The following CDIN1 variants were observed in gnomAD, a reference collection of about 807,000 sequenced individuals.
The protein encoded by CDIN1 is CDAN1-interacting nuclease 1.
Under a neutral mutation model 45.3 loss-of-function variants are expected in CDIN1, and 33 were observed. That is an observed-to-expected ratio of 0.73 (90% CI 0.55 to 0.97). The LOEUF (loss-of-function observed/expected upper bound fraction) is 0.97, where lower values mean the gene tolerates loss of function less well. CDIN1 is among the 50% of genes least tolerant of loss of function. The pLI is 0.00. For synonymous variants in CDIN1, 118 were observed against 124.4 expected (o/e 0.95, Z 0.34); for missense variants, 303 against 339.4 (o/e 0.89, Z 0.84).
At chr15:36,698,779 C>T (rs1437260193) in intron 8 of CDIN1, among the ~76,000 whole-genome samples, 1 of 152,198 alleles carries the variant, frequency 6.6e-6, no homozygotes, top group Admixed American at 6.5e-5. Context: ...TGTGGACAGT[C>T]AGGCCTTCAG....
rs2055349841 is a variant in CDIN1, at chr15:36,810,126, A to T, written c.*1673A>T. On this transcript the variant is annotated 3_prime_UTR_variant, in exon 11 of 11. Transcript: ENST00000566621. ...TAAACTGTTTTTTCTTTAGGAATAA[A>T]TTACATTTATCTGCACAGATGTTGA... is the stretch of plus-strand genomic sequence containing the variant. The T allele has an allele frequency of 6.6e-6, 1 of 152,198 alleles. No homozygotes were observed. The highest frequency in any genetic ancestry group is 2.4e-5 in the African/African-American group (1 of 41,446). 9.4% of individuals were successfully genotyped at this position (152,198 alleles called of 1,614,324 possible).
intron 10 of CDIN1, among the ~76,000 whole-genome samples, chr15:36,733,627 A>G (rs1468510516): frequency 6.6e-6 from 1 of 152,094 alleles, no homozygotes; most frequent in Non-Finnish European, 1.5e-5. Context: ...TATTTTTTAA[A>G]TCTGTGATTA....
rs1337941719 is a variant in CDIN1 at position 36,733,583 on chromosome 15, A to G, written c.716+23622A>G. On this transcript the variant is annotated intron_variant, in intron 10 of 10. Coordinates refer to ENST00000566621, the MANE Select transcript of CDIN1 (RefSeq NM_001321759.2). ...GAACCATTTCAGCTTAACCTTCCAG[A>G]GATTAATCATTTAGTTTGAAGGAGT... 7.2e-5 allele frequency among the ~76,000 whole-genome samples: 11 copies of G among 152,166 alleles called. No individual in the cohort carries two copies. In the South Asian group the frequency reaches 2.3e-3, roughly 31 times the overall value.
At chr15:36,778,549 T>G (rs1258398881) in intron 10 of CDIN1, among the ~76,000 whole-genome samples, 2 of 152,226 alleles carry the variant, frequency 1.3e-5, no homozygotes, top group Admixed American at 6.5e-5. Flanking sequence ...TTTGAAATGT[T>G]TCTTAGAATT....
In CDIN1 at chr15:36,596,296, C is replaced by T. The variant is rs534764063; in HGVS notation, c.101+16335C>T. On this transcript the variant is annotated intron_variant, in intron 1 of 10. Coordinates refer to ENST00000566621, the MANE Select transcript of CDIN1 (RefSeq NM_001321759.2). ...CGACCTGCTGGCAAAGGAATATAAA[C>T]CTACTGCTCTGAAAGGAAATATTAG... 1.3e-5 allele frequency among the ~76,000 whole-genome samples: 2 copies of T among 151,852 alleles called. 1 individual carries two copies. Among genetic ancestry groups the T allele is most frequent in the South Asian group, 4.1e-4 (2 of 4,820 alleles).
At chr15:36,610,206 A>G (rs1160194473) in intron 1 of CDIN1, among the ~76,000 whole-genome samples, 1 of 152,254 alleles carries the variant, frequency 6.6e-6, no homozygotes, top group African/African-American at 2.4e-5. Flanking sequence ...ATCAAAGCAC[A>G]GGGATAATTG....
chr15:36,597,104 C>T (rs2037871802), intron 1 of CDIN1, among the ~76,000 whole-genome samples: 1 of 152,072 alleles, frequency 6.6e-6, no homozygotes, highest in Admixed American at 6.5e-5. Context: ...TATTACATCA[C>T]TAAATAAAAT....
intron 10 of CDIN1, among the ~76,000 whole-genome samples, chr15:36,780,363 C>A (rs569470231): frequency 6.6e-6 from 1 of 152,250 alleles, no homozygotes; most frequent in Middle Eastern, 3.4e-3. Context: ...CATGTGTAAA[C>A]CAAAACTATC....
chr15:36,760,794 A>G (rs1033478235), intron 10 of CDIN1, among the ~76,000 whole-genome samples: 3 of 152,204 alleles, frequency 2.0e-5, no homozygotes, highest in African/African-American at 7.2e-5. Context: ...TTTCTTTAGG[A>G]TAATATCCAG....
chr15:36,768,847 G>A lies in CDIN1; in HGVS notation c.717-39477G>A, dbSNP rs148492964. ...GTAGCTGAAGGAGCCAAGGAGAAAG[G>A]CCTCAGAGTCTGAAAGAAAGGAGTT... On this transcript the variant is annotated intron_variant, in intron 10 of 10. Coordinates refer to ENST00000566621, the MANE Select transcript of CDIN1 (RefSeq NM_001321759.2). Among the ~76,000 whole-genome samples, 388 of 152,202 alleles carry A rather than the reference G, an allele frequency of 2.5e-3. 1 individual carries two copies. The highest frequency in any genetic ancestry group is 8.4e-3 in the African/African-American group (350 of 41,528).
At chr15:36,705,469 T>C (rs2042827874) in intron 8 of CDIN1, 1 of 152,212 alleles carries the variant, frequency 6.6e-6, no homozygotes. Flanking sequence ...AACTGCAACT[T>C]GGTTGACATG....
intron 10 of CDIN1, among the ~76,000 whole-genome samples, chr15:36,762,700 T>C (rs1431905234): frequency 1.3e-5 from 2 of 151,326 alleles, no homozygotes; most frequent in Non-Finnish European, 2.9e-5. Context: ...GGTCCAAGTG[T>C]TTTCATTGTT....
intron 8 of CDIN1, among the ~76,000 whole-genome samples, chr15:36,698,402 A>T (rs1566910409): frequency 1.3e-5 from 2 of 152,228 alleles, no homozygotes; most frequent in Admixed American, 1.3e-4. Context: ...TAATTAAGCA[A>T]GTGTTCTCAA....
intron 10 of CDIN1, among the ~76,000 whole-genome samples, chr15:36,742,517 A>T (rs1040494799): frequency 1.3e-5 from 2 of 152,250 alleles, no homozygotes; most frequent in Non-Finnish European, 2.9e-5. Flanking sequence ...AACATTGATT[A>T]TGTAAAATAA....
At chr15:36,805,758 C>T (rs1251982197) in intron 10 of CDIN1, among the ~76,000 whole-genome samples, 2 of 152,148 alleles carry the variant, frequency 1.3e-5, no homozygotes, top group African/African-American at 2.4e-5. Context: ...CTGATAATCT[C>T]TGGATCCTGA....
intron 1 of CDIN1, among the ~76,000 whole-genome samples, chr15:36,587,865 A>T (rs1057414863): frequency 6.6e-6 from 1 of 152,206 alleles, no homozygotes; most frequent in African/African-American, 2.4e-5. Flanking sequence ...GTCAGGCTCC[A>T]GAATCTCTTT....
chr15:36,645,347 A>T (rs919587684), intron 3 of CDIN1, 60 bp downstream of exon 3: 3 of 1,307,278 alleles, frequency 2.3e-6, no homozygotes, highest in Non-Finnish European at 3.2e-6. Flanking sequence ...AATAATAATT[A>T]TGAATAAGTT....
intron 1 of CDIN1, chr15:36,613,493 A>G: frequency 1.3e-6 from 2 of 1,549,320 alleles, no homozygotes; most frequent in Non-Finnish European, 1.8e-6. Flanking sequence ...CACCACCATC[A>G]AGGCGGTGAA....
intron 10 of CDIN1, among the ~76,000 whole-genome samples, chr15:36,741,180 C>T (rs1366206232): frequency 6.6e-6 from 1 of 152,140 alleles, no homozygotes; most frequent in Non-Finnish European, 1.5e-5. Context: ...AGTTTCAGGG[C>T]ACTGAAGCAA....
Sources: gnomAD v4.1 joint callset for allele counts (sites outside exome capture counted in the v4.1 genomes callset) on GRCh38, gnomAD v4.1.1 for gene constraint, MANE v1.5 for transcripts, NCBI Gene and HGNC (gene_info 2026-07-23, HGNC 2026-07-21) for gene names.